GSK3B: variants seen among roughly 807,000 people sequenced by gnomAD.
GSK3B encodes the protein glycogen synthase kinase 3 beta, also known as glycogen synthase kinase-3 beta.
Under a neutral mutation model 56.4 loss-of-function variants are expected in GSK3B, and 15 were observed. The observed-to-expected ratio is 0.27, with a 90% CI of 0.18 to 0.41. The LOEUF is 0.41. Ranked by LOEUF, GSK3B falls within the 10% of genes least tolerant of loss-of-function variation. GSK3B has a pLI of 1.00. For synonymous variants in GSK3B, 181 were observed against 188.9 expected, an observed-to-expected ratio of 0.96 and a Z score of 0.34; for missense variants, 300 against 513.4, an observed-to-expected ratio of 0.58 and a Z score of 4.02.
intron 1 of GSK3B, among the ~76,000 whole-genome samples, chr3:120,057,031 G>C (rs2058196983): frequency 6.6e-6 from 1 of 152,176 alleles, no homozygotes; most frequent in Non-Finnish European, 1.5e-5. Context: ...TGTGGTCCCA[G>C]CTACTCAGGA....
intron 2 of GSK3B, among the ~76,000 whole-genome samples, chr3:119,957,843 T>C (rs535386298): frequency 7.9e-5 from 12 of 152,194 alleles, no homozygotes; most frequent in Non-Finnish European, 1.0e-4. Flanking sequence ...CTCAATTCCA[T>C]TTATTACTAT....
chr3:120,080,171 G>A (rs188434804), intron 1 of GSK3B, among the ~76,000 whole-genome samples: 1 of 152,016 alleles, frequency 6.6e-6, no homozygotes, highest in Non-Finnish European at 1.5e-5. Context: ...CACTCCTGTG[G>A]ACCCAACTAA....
At chr3:119,838,172 C>T (rs924492842) in intron 10 of GSK3B, among the ~76,000 whole-genome samples, 17 of 151,626 alleles carry the variant, frequency 1.1e-4, no homozygotes, top group South Asian at 8.3e-4. Flanking sequence ...GCCTGTAATC[C>T]GAGCTACTTG....
At chr3:119,875,160 C>A (rs1342408218) in intron 8 of GSK3B, among the ~76,000 whole-genome samples, 1 of 151,884 alleles carries the variant, frequency 6.6e-6, no homozygotes, top group Non-Finnish European at 1.5e-5. Flanking sequence ...AATTCTGGCA[C>A]TAAAATACTA....
chr3:119,912,405 G>C (rs1442391274), intron 6 of GSK3B, among the ~76,000 whole-genome samples: 2 of 151,602 alleles, frequency 1.3e-5, no homozygotes, highest in Non-Finnish European at 2.9e-5. Flanking sequence ...GTGACACAAA[G>C]ACATGATGAC....
intron 8 of GSK3B, among the ~76,000 whole-genome samples, chr3:119,864,869 G>A (rs965022086): frequency 6.6e-6 from 1 of 152,180 alleles, no homozygotes; most frequent in Non-Finnish European, 1.5e-5. Context: ...GAGAAATTAG[G>A]TAAAGTAGGC....
chr3:119,917,423 C>A (rs1056582135), intron 4 of GSK3B, among the ~76,000 whole-genome samples: 1 of 152,074 alleles, frequency 6.6e-6, no homozygotes, highest in Non-Finnish European at 1.5e-5. Context: ...AAAATTAAGG[C>A]ATTTAGGTAT....
At position 120,079,340 on chromosome 3, in the gene GSK3B, ACACACACACATTT is replaced by A. The variant is rs773448588; in HGVS notation, c.88+13994_88+14006del. Among the ~76,000 whole-genome samples the A allele has an allele frequency of 2.0e-3, 277 of 136,856 alleles. 1 individual carries two copies. Among genetic ancestry groups the A allele is most frequent in the African/African-American group, 4.5e-3 (160 of 35,504 alleles). 89.8% of individuals were successfully genotyped at this position (136,856 alleles called of 152,430 possible). On this transcript the variant is annotated intron_variant, in intron 1 of 10. Transcript: ENST00000264235. ...CACACACACACACACACACACACACACACACACACATTTTTTTTTTTAATAAGTAGACTACTGC... is the reference window on the plus strand; with the variant it reads ...CACACACACACACACACACACACACATTTTTTTTAATAAGTAGACTACTGC...
At chr3:119,904,114 AC>A (rs1166499157) in intron 7 of GSK3B, among the ~76,000 whole-genome samples, 2 of 152,100 alleles carry the variant, frequency 1.3e-5, no homozygotes, top group African/African-American at 2.4e-5. Flanking sequence ...CAATTATTAT[AC>A]CTCTAACTTC....
chr3:120,063,727 CAAAAAAAA>C (rs58811446), intron 1 of GSK3B, among the ~76,000 whole-genome samples: 1 of 81,734 alleles, frequency 1.2e-5, no homozygotes, highest in African/African-American at 4.3e-5. Flanking sequence ...GACTCTGTCT[CAAAAAAAA>C]AAAAAAAAAA....
chr3:119,923,034 T>G (rs1294902077), intron 4 of GSK3B, among the ~76,000 whole-genome samples: 1 of 152,204 alleles, frequency 6.6e-6, no homozygotes, highest in Non-Finnish European at 1.5e-5. Flanking sequence ...TTTACAATTT[T>G]ATATGATACG....
chr3:120,039,615 C>A (rs1184761963), intron 1 of GSK3B, among the ~76,000 whole-genome samples: 1 of 152,232 alleles, frequency 6.6e-6, no homozygotes, highest in Non-Finnish European at 1.5e-5. Flanking sequence ...AACCACACAT[C>A]CCATCACTGT....
chr3:120,090,053 T>C (rs1202843406), intron 1 of GSK3B, among the ~76,000 whole-genome samples: 1 of 152,070 alleles, frequency 6.6e-6, no homozygotes, highest in Non-Finnish European at 1.5e-5. Context: ...TTTAAAATAA[T>C]AGTAATAATC....
intron 7 of GSK3B, among the ~76,000 whole-genome samples, chr3:119,884,367 T>C (rs1256871537): frequency 2.0e-5 from 3 of 152,104 alleles, no homozygotes; most frequent in Non-Finnish European, 4.4e-5. Flanking sequence ...TGGAATTAAG[T>C]TTTCCTTTCA....
At chr3:119,941,207 G>A (rs190034018) in intron 3 of GSK3B, among the ~76,000 whole-genome samples, 3 of 152,032 alleles carry the variant, frequency 2.0e-5, no homozygotes, top group African/African-American at 7.2e-5. Context: ...AGTAGAAATG[G>A]GGTTTCACCA....
chr3:119,968,288 A>G (rs932846714), intron 2 of GSK3B, among the ~76,000 whole-genome samples: 17 of 152,230 alleles, frequency 1.1e-4, no homozygotes, highest in African/African-American at 4.1e-4. Flanking sequence ...CACCACACCC[A>G]GCCTGGACCA....
intron 7 of GSK3B, 36 bp downstream of exon 7, chr3:119,905,719 C>T: frequency 8.8e-7 from 1 of 1,135,578 alleles, no homozygotes; most frequent in East Asian, 2.3e-5. Context: ...CACAAAAATT[C>T]CTTCCAGTTC....
intron 3 of GSK3B, among the ~76,000 whole-genome samples, chr3:119,942,481 G>C (rs1411351992): frequency 1.3e-5 from 2 of 151,862 alleles, no homozygotes; most frequent in Admixed American, 1.3e-4. Context: ...TGTATTTTTA[G>C]TAGAGATGGG....
intron 9 of GSK3B, among the ~76,000 whole-genome samples, chr3:119,855,573 C>T (rs2056008527): frequency 6.6e-6 from 1 of 152,160 alleles, no homozygotes; most frequent in Admixed American, 6.5e-5. Flanking sequence ...AGACTTGGAA[C>T]CAACCCAAAT....
Sources: gnomAD v4.1 joint callset for allele counts (sites outside exome capture counted in the v4.1 genomes callset) on GRCh38, gnomAD v4.1.1 for gene constraint, MANE v1.5 for transcripts, NCBI Gene and HGNC (gene_info 2026-07-23, HGNC 2026-07-21) for gene names.